KCNQ4: variants seen among roughly 807,000 people sequenced by gnomAD.
KCNQ4 encodes potassium voltage-gated channel subfamily Q member 4.
Under a neutral mutation model 72.6 loss-of-function variants are expected in KCNQ4, and 31 were observed. That is an observed-to-expected ratio of 0.43 (90% CI 0.32 to 0.58). The LOEUF is 0.58. Ranked by LOEUF, KCNQ4 falls within the 20% of genes least tolerant of loss-of-function variation. KCNQ4 has a pLI of 0.08. For synonymous variants in KCNQ4, 405 were observed against 403.7 expected (o/e 1.00, Z -0.04); for missense variants, 869 against 962.6 (o/e 0.90, Z 1.29).
At chr1:40,822,279 T>G (rs1648322869) in intron 7 of KCNQ4, 35 bp from the exon 8 acceptor site, 4 of 1,554,028 alleles carry the variant, frequency 2.6e-6, no homozygotes, top group Non-Finnish European at 3.6e-6. Flanking sequence ...GAGGCCTCAC[T>G]GATGCCCCAT....
rs1647185183 is a variant in KCNQ4, at chr1:40,784,549, G to C, written c.314+142G>C. The C allele has an allele frequency of 1.9e-5, 15 of 807,614 alleles. No individual in the cohort carries two copies. Among genetic ancestry groups the C allele is most frequent in the Non-Finnish European group, 3.1e-5 (15 of 483,564 alleles). 50.0% of individuals were successfully genotyped at this position (807,614 alleles called of 1,614,324 possible). Reference sequence around the variant, plus strand: ...CTCTCTCCCCCCAGGCCTAAGCCCGGTTTCTGATCCCCTCGCTGAGCCCGA... The same window carrying C: ...CTCTCTCCCCCCAGGCCTAAGCCCGCTTTCTGATCCCCTCGCTGAGCCCGA... On this transcript the variant is annotated intron_variant, in intron 1 of 13. Coordinates refer to ENST00000347132, the MANE Select transcript of KCNQ4 (RefSeq NM_004700.4). This position sits in a 1 kb window ranked among gnomAD's most constrained non-coding sequence, Gnocchi z 4.1.
At chr1:40,809,417 C>T (rs1647859108) in intron 1 of KCNQ4, among the ~76,000 whole-genome samples, 1 of 152,206 alleles carries the variant, frequency 6.6e-6, no homozygotes, top group South Asian at 2.1e-4. Flanking sequence ...CTCTCTCTCT[C>T]TCAACATGCC....
At chr1:40,829,029 A>G (rs1028033762) in intron 9 of KCNQ4, among the ~76,000 whole-genome samples, 2 of 152,208 alleles carry the variant, frequency 1.3e-5, no homozygotes, top group Non-Finnish European at 2.9e-5. Flanking sequence ...TTCCTCCATA[A>G]GTCCTGCTGA....
chr1:40,784,276 G>GGGCTCC lies in KCNQ4; in HGVS notation c.189_194dup (p.Gly66_Ser67dup). Reference sequence around the variant, plus strand: ...CGCCGGGCGCGCCCCTCCCTGGGCCGGGCTCCGGCTCGGGCTCCGCCTGCG... The same window carrying GGGCTCC: ...CGCCGGGCGCGCCCCTCCCTGGGCCGGGCTCCGGCTCCGGCTCGGGCTCCGCCTGCG... On this transcript the variant is annotated inframe_insertion, in exon 1 of 14. Transcript: ENST00000347132. This position sits in a 1 kb window ranked among gnomAD's most constrained non-coding sequence, Gnocchi z 4.1. 1 of 1,533,840 alleles carries GGGCTCC rather than the reference G, an allele frequency of 6.5e-7. No homozygotes were observed. The highest frequency in any genetic ancestry group is 8.7e-7 in the Non-Finnish European group (1 of 1,146,264).
intron 1 of KCNQ4, among the ~76,000 whole-genome samples, chr1:40,798,836 G>T (rs990913245): frequency 2.0e-5 from 3 of 152,250 alleles, no homozygotes; most frequent in African/African-American, 7.2e-5. Flanking sequence ...CGTGGGGGAA[G>T]GGGACCTTGC....
intron 1 of KCNQ4, among the ~76,000 whole-genome samples, chr1:40,796,886 C>A (rs988559479): frequency 4.0e-5 from 6 of 151,562 alleles, no homozygotes; most frequent in African/African-American, 1.5e-4. Flanking sequence ...CCACTGCACT[C>A]CAGCCTGGAT....
At chr1:40,802,101 G>A (rs1027939305) in intron 1 of KCNQ4, among the ~76,000 whole-genome samples, 2 of 152,022 alleles carry the variant, frequency 1.3e-5, no homozygotes, top group Non-Finnish European at 2.9e-5. Context: ...AATTTATTCC[G>A]CACTATCTGT....
Position 40,834,698 on chromosome 1 carries a change from C to T in KCNQ4, c.1614-269C>T, listed in dbSNP as rs79689434. On this transcript the variant is annotated intron_variant, in intron 11 of 13. Transcript: ENST00000347132. ...GCTCTTCAAAGCACACCCCAGCCTC[C>T]TTCTCGAGGCTGATCTCCTGTCTTC... Among the ~76,000 whole-genome samples, 1,181 of 152,254 alleles carry T rather than the reference C, an allele frequency of 7.8e-3. 17 individuals are homozygous for T. The highest frequency in any genetic ancestry group is 0.027 in the African/African-American group (1,105 of 41,542).
At chr1:40,828,239 C>G (rs967813544) in intron 9 of KCNQ4, among the ~76,000 whole-genome samples, 2 of 152,162 alleles carry the variant, frequency 1.3e-5, no homozygotes, top group Admixed American at 1.3e-4. Context: ...GGGCAGAGCT[C>G]GGCCTCCCCA....
In KCNQ4 at chr1:40,824,232, C is replaced by A. The variant is rs1421998021; in HGVS notation, c.1266C>A (p.Gly422=). 1.2e-6 allele frequency: 2 copies of A among 1,608,456 alleles called. No homozygotes were observed. Among genetic ancestry groups the A allele is most frequent in the South Asian group, 2.2e-5 (2 of 90,300 alleles). Residue 422 remains glycine (G), a synonymous_variant, in exon 9 of 14, where the codon GGC becomes GGA. Coordinates refer to ENST00000347132, the MANE Select transcript of KCNQ4 (RefSeq NM_004700.4). ...YPPVATCHRP[G]STSFCPGESS... is the part of the protein sequence containing the mutation. The stretch of plus-strand genomic sequence containing the variant: ...CCGTTGCCACCTGCCACCGGCCGGG[C>A]AGCACCTCCTTCTGCCCTGGGGAAA...
chr1:40,827,853 A>C (rs943987493), intron 9 of KCNQ4, among the ~76,000 whole-genome samples: 1 of 152,228 alleles, frequency 6.6e-6, no homozygotes, highest in Non-Finnish European at 1.5e-5. Context: ...CCTGGCTCCA[A>C]TAAATATTGG....
At chr1:40,822,909 C>T (rs1043295409) in intron 8 of KCNQ4, among the ~76,000 whole-genome samples, 5 of 152,200 alleles carry the variant, frequency 3.3e-5, no homozygotes, top group African/African-American at 1.2e-4. Context: ...AGTGGGTCTG[C>T]CCCACTGGCC....
intron 1 of KCNQ4, among the ~76,000 whole-genome samples, chr1:40,792,698 T>A (rs1162441391): frequency 2.0e-5 from 3 of 152,092 alleles, no homozygotes; most frequent in Non-Finnish European, 4.4e-5. Flanking sequence ...GAAAGGACAG[T>A]GTGACCCATG....
rs76518576 is a variant in KCNQ4, at chr1:40,827,130, C to G, written c.1292+2872C>G. Among the ~76,000 whole-genome samples the G allele has an allele frequency of 2.2e-3, 331 of 152,310 alleles. 1 individual carries two copies. Among genetic ancestry groups the G allele is most frequent in the African/African-American group, 7.7e-3 (318 of 41,552 alleles). The stretch of plus-strand genomic sequence containing the variant: ...ATGCCTGAAGGAGCTGGGTTTGGCA[C>G]CTTTGCCAGCTCCAGGACCCCAGCT... On this transcript the variant is annotated intron_variant, in intron 9 of 13. Transcript: ENST00000347132.
Position 40,838,303 on chromosome 1 carries a change from G to C in KCNQ4, c.1876-8G>C. ...AGGCCCTGCTTCCCAGCTGCGCCCC[G>C]TCCCCAGGTGCAGTCCATCGAGCAC... On this transcript the variant is annotated splice_region_variant and splice_polypyrimidine_tract_variant and intron_variant, in intron 13 of 13. Transcript: ENST00000347132. The C allele has an allele frequency of 2.5e-6, 4 of 1,611,494 alleles. No individual in the cohort carries two copies. The highest frequency in any genetic ancestry group is 3.4e-6 in the Non-Finnish European group (4 of 1,179,238).
chr1:40,795,239 G>C lies in KCNQ4; in HGVS notation c.314+10832G>C, dbSNP rs369097182. ...GCAAAGTGCTGTGAAGAACAGGGGG[G>C]TTGTGGTGGTTTTACCTTTTTTTTT... On this transcript the variant is annotated intron_variant, in intron 1 of 13. Transcript: ENST00000347132. Among the ~76,000 whole-genome samples, 2 of 148,954 alleles carry C rather than the reference G, an allele frequency of 1.3e-5. 1 individual carries two copies. Among genetic ancestry groups the C allele is most frequent in the African/African-American group, 4.9e-5 (2 of 40,680 alleles).
chr1:40,838,476 G>T lies in KCNQ4; in HGVS notation c.2041G>T (p.Ala681Ser). The change falls in exon 14 of 14, where the codon GCA (alanine) becomes TCA (serine). Residue 681 changes from alanine to serine, a missense_variant. By Grantham distance (99) the Ala-to-Ser change is moderately conservative (BLOSUM62 1). Around this residue, in one of 5 missense-constraint regions of KCNQ4, gnomAD observed 480 missense variants for 501.9 expected, o/e 0.96. Coordinates refer to ENST00000347132, the MANE Select transcript of KCNQ4 (RefSeq NM_004700.4). The part of the protein sequence containing the change: ...PVDHEDISVS[A>S]QTLSISRSVS... Reference sequence around the variant, plus strand: ...GGACCACGAGGACATCTCCGTCTCCGCACAGACGCTCAGCATCTCCCGCTC... The same window carrying T: ...GGACCACGAGGACATCTCCGTCTCCTCACAGACGCTCAGCATCTCCCGCTC... 1.2e-6 allele frequency: 2 copies of T among 1,614,150 alleles called. No individual in the cohort carries two copies. The highest frequency in any genetic ancestry group is 3.3e-5 in the Admixed American group (2 of 60,032).
At chr1:40,799,897 G>C (rs1379622209) in intron 1 of KCNQ4, among the ~76,000 whole-genome samples, 1 of 152,188 alleles carries the variant, frequency 6.6e-6, no homozygotes, top group African/African-American at 2.4e-5. Context: ...AATGACACCT[G>C]ATACAGAAGC....
rs1282404548 is a variant in KCNQ4 at position 40,833,104 on chromosome 1, G to T, written c.1604G>T (p.Arg535Leu). Residue 535 changes from arginine to leucine, a missense_variant, in exon 11 of 14, where the codon CGC becomes CTC. Arg to Leu is a moderately radical substitution (Grantham distance 102). Coordinates refer to ENST00000347132, the MANE Select transcript of KCNQ4 (RefSeq NM_004700.4). Reference sequence around the variant, plus strand: ...ATGCCTGCTGTGAAGACAGTCATCCGCTCCATCAGGTAAGACTGAGGCCTG... The same window carrying T: ...ATGCCTGCTGTGAAGACAGTCATCCTCTCCATCAGGTAAGACTGAGGCCTG... ...DIMPAVKTVI[R>L]SIRILKFLVA... The T allele has an allele frequency of 6.2e-7, 1 of 1,610,370 alleles. No homozygotes were observed. The highest frequency in any genetic ancestry group is 1.1e-5 in the South Asian group (1 of 91,048).
Sources: allele counts gnomAD v4.1 joint callset (sites outside exome capture counted in the v4.1 genomes callset), GRCh38; gene constraint gnomAD v4.1.1; regional missense constraint gnomAD v4.1.1; non-coding constraint Gnocchi (gnomAD v3.1); transcripts MANE v1.5; gene names NCBI Gene and HGNC (gene_info 2026-07-23, HGNC 2026-07-21).